Variants in KRABD4 observed in about 807,000 individuals in gnomAD.
KRABD4 encodes the protein KRAB domain-containing protein 4.
At chrX:46,458,430 T>C in the KRABD4 span, among the ~76,000 whole-genome samples, 2 of 111,988 alleles carry the variant, frequency 1.8e-5, no homozygotes, top group South Asian at 7.5e-4. Context: ...CCTAGACCTT[T>C]AATATATCAA....
the KRABD4 span, among the ~76,000 whole-genome samples, chrX:46,464,330 A>G: frequency 2.7e-5 from 3 of 112,169 alleles, no homozygotes; most frequent in Admixed American, 9.4e-5. Context: ...TAAGTAGAAA[A>G]TCAGAATCAG....
chrX:46,473,740 C>T, the KRABD4 span: 2 of 167,418 alleles, frequency 1.2e-5, no homozygotes, highest in Admixed American at 7.3e-5. Context: ...CTGCAACCTC[C>T]GCCTCTTGGG....
At chrX:46,468,970 A>G in the KRABD4 span, among the ~76,000 whole-genome samples, 2 of 112,209 alleles carry the variant, frequency 1.8e-5, no homozygotes, top group Admixed American at 9.5e-5. Context: ...TCATGTTTTC[A>G]GGTTAGGCTG....
chrX:46,458,926 C>A, the KRABD4 span, among the ~76,000 whole-genome samples: 1 of 111,561 alleles, frequency 9.0e-6, no homozygotes, highest in African/African-American at 3.3e-5. Flanking sequence ...TTGCCACATC[C>A]ATACTCTGGA....
chrX:46,463,275 C>T, the KRABD4 span: 6 of 1,210,349 alleles, frequency 5.0e-6, no homozygotes, highest in African/African-American at 8.7e-5. Flanking sequence ...TGGGGGGACC[C>T]CGGTACGGAC....
At chrX:46,455,620 T>A in the KRABD4 span, 1 of 379,557 alleles carries the variant, frequency 2.6e-6, no homozygotes, top group African/African-American at 2.6e-5. Context: ...GTTTCTTTAA[T>A]ACAAAAAAGC....
the KRABD4 span, chrX:46,472,906 A>G: frequency 8.3e-7 from 1 of 1,211,975 alleles, no homozygotes; most frequent in Non-Finnish European, 1.1e-6. Flanking sequence ...ACAGAATTTG[A>G]TTCTGTAAGG....
At chrX:46,450,565 C>A in the KRABD4 span, 1 of 824,742 alleles carries the variant, frequency 1.2e-6, no homozygotes, top group Non-Finnish European at 1.8e-6. Context: ...ACCAATTATC[C>A]CCTCTTCTCT....
At chrX:46,472,156 A>G in the KRABD4 span, 2 of 112,311 alleles carry the variant, frequency 1.8e-5, no homozygotes, top group African/African-American at 3.2e-5. Context: ...GAATTTATCA[A>G]CTTCGGGGGT....
chrX:46,455,468 CT>C, the KRABD4 span: 1 of 429,107 alleles, frequency 2.3e-6, no homozygotes. Context: ...TCAGGCTTGC[CT>C]TTTTTAAATC....
the KRABD4 span, among the ~76,000 whole-genome samples, chrX:46,458,113 ATATTTGAAG>A: frequency 8.9e-6 from 1 of 112,325 alleles, no homozygotes; most frequent in Non-Finnish European, 1.9e-5. Flanking sequence ...AGTGAGAAAA[ATATTTGAAG>A]TATACATAAC....
chrX:46,463,196 A>C, the KRABD4 span: 1 of 1,209,235 alleles, frequency 8.3e-7, no homozygotes, highest in Non-Finnish European at 1.1e-6. Flanking sequence ...TCCCCCGAAC[A>C]GGGTATCTAG....
the KRABD4 span, among the ~76,000 whole-genome samples, chrX:46,466,477 AT>A: frequency 2.7e-5 from 3 of 111,563 alleles, no homozygotes; most frequent in Admixed American, 9.5e-5. Context: ...CATCAATTCG[AT>A]TTATTTTCTT....
At chrX:46,474,632 A>ATTATTTAT in the KRABD4 span, 6 of 111,304 alleles carry the variant, frequency 5.4e-5, no homozygotes, top group African/African-American at 1.3e-4. Context: ...AAATGATAAA[A>ATTATTTAT]TTATTTATTT....
At chrX:46,448,468 AC>A in the KRABD4 span, 1 of 113,197 alleles carries the variant, frequency 8.8e-6, no homozygotes, top group Non-Finnish European at 1.9e-5. Flanking sequence ...CAGAGCCCAG[AC>A]CCAGATCCTC....
At chrX:46,448,741 AC>A in the KRABD4 span, 1 of 112,925 alleles carries the variant, frequency 8.9e-6, no homozygotes, top group South Asian at 3.6e-4. Flanking sequence ...GGGAAGGATC[AC>A]AGCCAGCCAC....
At chrX:46,463,276 C>T in the KRABD4 span, 6 of 1,210,322 alleles carry the variant, frequency 5.0e-6, no homozygotes, top group Admixed American at 4.4e-5. Context: ...GGGGGGACCC[C>T]GGTACGGACC....
At chrX:46,460,417 CAAA>C in the KRABD4 span, among the ~76,000 whole-genome samples, 1 of 74,979 alleles carries the variant, frequency 1.3e-5, no homozygotes. Context: ...AACTCAGTCT[CAAA>C]AAAAAAAAAA....
chrX:46,463,748 T>A, the KRABD4 span, among the ~76,000 whole-genome samples: 1 of 110,959 alleles, frequency 9.0e-6, no homozygotes, highest in Non-Finnish European at 1.9e-5. Context: ...CTTTTTTTTT[T>A]AGCCTAAGGT....
Sources: allele counts gnomAD v4.1 joint callset (sites outside exome capture counted in the v4.1 genomes callset), GRCh38; gene constraint gnomAD v4.1.1; transcripts MANE v1.5; gene names NCBI Gene and HGNC (gene_info 2026-07-23, HGNC 2026-07-21).